SAMMSON: variants seen among roughly 807,000 people sequenced by gnomAD.
SAMMSON encodes survival associated mitochondrial melanoma specific oncogenic non-coding RNA.
intron 3 of SAMMSON, among the ~76,000 whole-genome samples, chr3:70,018,892 T>C (rs1352837025): frequency 1.3e-5 from 2 of 152,332 alleles, no homozygotes; most frequent in Non-Finnish European, 1.5e-5. Context: ...TTGAGTGGTT[T>C]TGAGTGAGTT....
chr3:70,165,031 A>G (rs562547323), intron 4 of SAMMSON, among the ~76,000 whole-genome samples: 3 of 151,798 alleles, frequency 2.0e-5, no homozygotes, highest in Non-Finnish European at 4.4e-5. Context: ...CATATATAAG[A>G]TATGTTTTCA....
downstream of SAMMSON, among the ~76,000 whole-genome samples, chr3:70,394,080 G>C (rs1411977919): frequency 6.6e-6 from 1 of 152,128 alleles, no homozygotes; most frequent in Non-Finnish European, 1.5e-5. Context: ...ACTGTTGAGA[G>C]CTCTTTCAAG....
chr3:70,192,108 C>T (rs1701135324), intron 4 of SAMMSON, among the ~76,000 whole-genome samples: 1 of 152,064 alleles, frequency 6.6e-6, no homozygotes, highest in Non-Finnish European at 1.5e-5. Flanking sequence ...TAGTAGATGG[C>T]ATTGCAATCC....
intron 2 of SAMMSON, among the ~76,000 whole-genome samples, chr3:70,416,542 C>G (rs939090911): frequency 2.6e-5 from 4 of 152,108 alleles, no homozygotes; most frequent in Non-Finnish European, 5.9e-5. Flanking sequence ...CTGTTGTCAA[C>G]CAAATCAATC....
At chr3:70,223,470 T>C (rs1051687119) in intron 4 of SAMMSON, among the ~76,000 whole-genome samples, 9 of 152,176 alleles carry the variant, frequency 5.9e-5, no homozygotes, top group African/African-American at 1.9e-4. Context: ...AATGATTCCA[T>C]TTTTTCCTTC....
At chr3:70,329,171 TA>T (rs1020629876) in intron 7 of SAMMSON, among the ~76,000 whole-genome samples, 1 of 152,050 alleles carries the variant, frequency 6.6e-6, no homozygotes, top group Admixed American at 6.6e-5. Flanking sequence ...AGAATTAAGG[TA>T]AAAAAAGTAT....
intron 3 of SAMMSON, among the ~76,000 whole-genome samples, chr3:70,019,281 T>G (rs11924781): frequency 6.6e-6 from 1 of 152,026 alleles, no homozygotes; most frequent in South Asian, 2.1e-4. Context: ...TTGGGTGCAT[T>G]TATATTTAGG....
At position 70,293,308 on chromosome 3, in the gene SAMMSON, T is replaced by TA. The variant is rs1276117654; in HGVS notation, n.739+2071dup. 4.6e-5 allele frequency among the ~76,000 whole-genome samples: 7 copies of TA among 152,200 alleles called. No homozygotes were observed. In the East Asian group the frequency reaches 1.4e-3, roughly 29 times the overall value. Reference sequence around the variant, plus strand: ...AATTACATACAATTATCAAAATATGTAAAAAACTGTGATATAGTTGTATAT... The same window carrying TA: ...AATTACATACAATTATCAAAATATGTAAAAAAACTGTGATATAGTTGTATAT... On this transcript the variant is annotated intron_variant and non_coding_transcript_variant, in intron 7 of 9. Transcript: ENST00000642114.
At chr3:70,202,640 G>A (rs1336872769) in intron 4 of SAMMSON, among the ~76,000 whole-genome samples, 1 of 152,110 alleles carries the variant, frequency 6.6e-6, no homozygotes, top group Non-Finnish European at 1.5e-5. Context: ...TCAGAGACCT[G>A]CAGGCTGCAC....
intron 3 of SAMMSON, among the ~76,000 whole-genome samples, chr3:70,071,290 C>T (rs1174521841): frequency 6.6e-6 from 1 of 151,702 alleles, no homozygotes; most frequent in African/African-American, 2.4e-5. Context: ...TGCGTAGATG[C>T]ACACATTAGA....
intron 9 of SAMMSON, among the ~76,000 whole-genome samples, chr3:70,382,343 C>A (rs191411469): frequency 6.6e-6 from 1 of 151,910 alleles, no homozygotes; most frequent in African/African-American, 2.4e-5. Flanking sequence ...AACATATATC[C>A]CCTTCCTAAC....
intron 4 of SAMMSON, among the ~76,000 whole-genome samples, chr3:70,242,158 T>G (rs1055655463): frequency 6.6e-6 from 1 of 152,204 alleles, no homozygotes; most frequent in Non-Finnish European, 1.5e-5. Flanking sequence ...GTATTTCTAC[T>G]GGTAAAAGCA....
At chr3:70,104,280 A>AG (rs1334677300) in intron 4 of SAMMSON, among the ~76,000 whole-genome samples, 1 of 150,200 alleles carries the variant, frequency 6.7e-6, no homozygotes, top group African/African-American at 2.5e-5. Context: ...TTTTTTTCCT[A>AG]CGCTGCGATA....
chr3:70,255,001 T>C (rs139899189), intron 6 of SAMMSON, among the ~76,000 whole-genome samples: 186 of 152,300 alleles, frequency 1.2e-3, no homozygotes, highest in African/African-American at 4.3e-3. Context: ...GACATTTAGA[T>C]TGTTCCTTAT....
intron 3 of SAMMSON, among the ~76,000 whole-genome samples, chr3:70,023,068 C>T (rs1251049878): frequency 6.6e-6 from 1 of 152,142 alleles, no homozygotes; most frequent in Non-Finnish European, 1.5e-5. Context: ...CAAAATCTCA[C>T]CTCATCTCAT....
chr3:70,251,386 A>T (rs1291052292), intron 6 of SAMMSON, among the ~76,000 whole-genome samples: 1 of 152,170 alleles, frequency 6.6e-6, no homozygotes, highest in Non-Finnish European at 1.5e-5. Flanking sequence ...TGATTTTTTT[A>T]TCTGACTATG....
rs541811981 is a variant in SAMMSON at position 70,430,632 on chromosome 3, C to G, written n.234-31928C>G. 5.3e-5 allele frequency among the ~76,000 whole-genome samples: 8 copies of G among 152,084 alleles called. No homozygotes were observed. The South Asian group carries it at 1.7e-3, about 32-fold the overall frequency. On this transcript the variant is annotated intron_variant and non_coding_transcript_variant, in intron 2 of 3. Transcript: ENST00000641053. ...AGCACAAACCTTAAATTATAGGCATCTAACTTTGAAATTACTCGAAGAAGC... is the reference window on the plus strand; with the variant it reads ...AGCACAAACCTTAAATTATAGGCATGTAACTTTGAAATTACTCGAAGAAGC...
At chr3:70,219,160 TCTAAAACAC>T (rs1322499177) in intron 4 of SAMMSON, among the ~76,000 whole-genome samples, 1 of 152,196 alleles carries the variant, frequency 6.6e-6, no homozygotes, top group Non-Finnish European at 1.5e-5. Flanking sequence ...CTAGCTTTCT[TCTAAAACAC>T]CTTTAAAAAT....
Position 70,302,284 on chromosome 3 carries a change from G to C in SAMMSON, n.739+11041G>C, listed in dbSNP as rs564037625. ...TTTATTTTTTTTTACTAATGGTCTG[G>C]TGAACACCTAGTGTAGGTGCATTTT... is the stretch of plus-strand genomic sequence containing the variant. On this transcript the variant is annotated intron_variant and non_coding_transcript_variant, in intron 7 of 9. Coordinates refer to ENST00000642114, the Ensembl canonical transcript of SAMMSON. 5.3e-5 allele frequency among the ~76,000 whole-genome samples: 8 copies of C among 151,936 alleles called. No homozygotes were observed. In the South Asian group the frequency reaches 1.7e-3, roughly 32 times the overall value.
Sources: gnomAD v4.1 joint callset for allele counts (sites outside exome capture counted in the v4.1 genomes callset) on GRCh38, gnomAD v4.1.1 for gene constraint, MANE v1.5 for transcripts, NCBI Gene and HGNC (gene_info 2026-07-23, HGNC 2026-07-21) for gene names.